ZBTB7C: variants seen among roughly 807,000 people sequenced by gnomAD.
ZBTB7C encodes zinc finger and BTB domain-containing protein 7C.
A neutral mutation model predicts 25.7 loss-of-function variants in ZBTB7C; 8 were observed. The ratio of observed to expected loss-of-function variants is 0.31; its 90% CI spans 0.18 to 0.56. ZBTB7C has a LOEUF of 0.56. Among genes scored for constraint, ZBTB7C ranks in the 20% least tolerant of loss-of-function variants. The pLI is 0.91. For synonymous variants in ZBTB7C, 394 were observed against 369.0 expected, an observed-to-expected ratio of 1.07 and a Z score of -0.78; for missense variants, 824 against 855.2, an observed-to-expected ratio of 0.96 and a Z score of 0.46.
intron 2 of ZBTB7C, among the ~76,000 whole-genome samples, chr18:48,305,662 T>A (rs2045655685): frequency 6.6e-6 from 1 of 152,060 alleles, no homozygotes. Context: ...CCCAAGTAAG[T>A]GGAAATACTC....
rs1482842757 is a variant in ZBTB7C, at chr18:48,167,595, T to TGTGTGTGTGTGC, written c.-17+18338_-17+18339insGCACACACACAC. On this transcript the variant is annotated intron_variant, in intron 3 of 4. Coordinates refer to ENST00000590800, the MANE Select transcript of ZBTB7C (RefSeq NM_001318841.2). ...GTGTGTGTGTGTGTGTGTGTGTGTG[T>TGTGTGTGTGTGC]GTGCGCGCGTGCACACGCGCATGCG... Among the ~76,000 whole-genome samples, 99 of 150,302 alleles carry TGTGTGTGTGTGC rather than the reference T, an allele frequency of 6.6e-4. 1 individual carries two copies. The highest frequency in any genetic ancestry group is 2.4e-3 in the African/African-American group (95 of 40,350).
intron 2 of ZBTB7C, among the ~76,000 whole-genome samples, chr18:48,220,667 A>T (rs1485786165): frequency 6.6e-6 from 1 of 152,178 alleles, no homozygotes; most frequent in Non-Finnish European, 1.5e-5. Context: ...GAAATCAATA[A>T]ATCAACCCAC....
chr18:48,143,917 T>C (rs72922114), intron 3 of ZBTB7C, among the ~76,000 whole-genome samples: 22,105 of 152,218 alleles, frequency 0.15, 1,808 homozygotes, highest in South Asian at 0.24. Context: ...CCCTCTCCCC[T>C]ATTGCAGTCC....
At chr18:48,103,929 G>A (rs1487497515) in intron 3 of ZBTB7C, among the ~76,000 whole-genome samples, 1 of 152,186 alleles carries the variant, frequency 6.6e-6, no homozygotes, top group African/African-American at 2.4e-5. Flanking sequence ...GCCAGGGGTC[G>A]AGGGTGCAGG....
intron 2 of ZBTB7C, among the ~76,000 whole-genome samples, chr18:48,275,030 G>T (rs1362474557): frequency 6.6e-6 from 1 of 152,160 alleles, no homozygotes; most frequent in African/African-American, 2.4e-5. Context: ...CCAACTTGAA[G>T]CCAAAGTTAT....
At chr18:48,314,170 G>C (rs75933534) in intron 2 of ZBTB7C, among the ~76,000 whole-genome samples, 2 of 152,202 alleles carry the variant, frequency 1.3e-5, no homozygotes, top group Admixed American at 1.3e-4. Flanking sequence ...ACCAAATTTA[G>C]TGAACAAAAG....
intron 3 of ZBTB7C, among the ~76,000 whole-genome samples, chr18:48,046,451 C>T (rs1373624827): frequency 6.6e-6 from 1 of 152,226 alleles, no homozygotes. Flanking sequence ...GACCCTTCCA[C>T]TGTTAAGTAA....
chr18:48,227,163 C>T (rs2043124473), intron 2 of ZBTB7C, among the ~76,000 whole-genome samples: 1 of 152,198 alleles, frequency 6.6e-6, no homozygotes, highest in African/African-American at 2.4e-5. Context: ...CCTGAAAAGG[C>T]TGTCTGGGCC....
chr18:48,288,881 C>G (rs1182603831), intron 2 of ZBTB7C, among the ~76,000 whole-genome samples: 2 of 152,124 alleles, frequency 1.3e-5, no homozygotes, highest in Non-Finnish European at 2.9e-5. Flanking sequence ...TTTGTTACAG[C>G]AGCCTGAATA....
chr18:48,324,932 G>A (rs574006418), intron 2 of ZBTB7C, among the ~76,000 whole-genome samples: 14 of 152,282 alleles, frequency 9.2e-5, no homozygotes, highest in South Asian at 8.3e-4. Flanking sequence ...CAGAGCCACC[G>A]TGGATGTGAT....
At chr18:48,080,037 T>G (rs62086132) in intron 3 of ZBTB7C, among the ~76,000 whole-genome samples, 29,711 of 152,246 alleles carry the variant, frequency 0.2, 2,976 homozygotes, top group South Asian at 0.25. Flanking sequence ...GTTACCACAC[T>G]CTGGCAAGCC....
chr18:48,153,532 GA>G (rs2040742673), intron 3 of ZBTB7C, among the ~76,000 whole-genome samples: 1 of 152,108 alleles, frequency 6.6e-6, no homozygotes, highest in Non-Finnish European at 1.5e-5. Flanking sequence ...GGTCCAAAGG[GA>G]AAAAGGGAAG....
chr18:48,238,146 G>A (rs957716264), intron 2 of ZBTB7C, among the ~76,000 whole-genome samples: 4 of 152,178 alleles, frequency 2.6e-5, no homozygotes, highest in Non-Finnish European at 5.9e-5. Flanking sequence ...GGAGTTTCCA[G>A]CGATTCTGAT....
At chr18:48,186,972 C>A (rs72922191) in intron 2 of ZBTB7C, among the ~76,000 whole-genome samples, 2 of 152,294 alleles carry the variant, frequency 1.3e-5, no homozygotes, top group African/African-American at 4.8e-5. Flanking sequence ...GCAAAGAGGC[C>A]TTGACACTGG....
intron 2 of ZBTB7C, among the ~76,000 whole-genome samples, chr18:48,200,359 C>T (rs528634690): frequency 2.6e-5 from 4 of 151,886 alleles, no homozygotes; most frequent in Admixed American, 6.6e-5. Flanking sequence ...CCTGTGTGGC[C>T]GGTGTTTGTA....
intron 3 of ZBTB7C, among the ~76,000 whole-genome samples, chr18:48,111,709 G>A (rs759272782): frequency 3.0e-4 from 45 of 152,246 alleles, no homozygotes; most frequent in Non-Finnish European, 5.1e-4. Context: ...GTGTGGACGG[G>A]TGTCTGCACT....
chr18:48,381,249 G>A (rs537905948), intron 1 of ZBTB7C, among the ~76,000 whole-genome samples: 1 of 152,290 alleles, frequency 6.6e-6, no homozygotes, highest in African/African-American at 2.4e-5. Context: ...ACACAGGAGA[G>A]AATCAAAGAA....
chr18:48,046,550 G>T (rs1189343758), intron 3 of ZBTB7C, among the ~76,000 whole-genome samples: 1 of 152,200 alleles, frequency 6.6e-6, no homozygotes, highest in Admixed American at 6.5e-5. Context: ...CTTTAGAGAT[G>T]AAAATGTTTT....
intron 2 of ZBTB7C, among the ~76,000 whole-genome samples, chr18:48,198,959 C>T (rs1449679933): frequency 6.6e-6 from 1 of 152,218 alleles, no homozygotes; most frequent in African/African-American, 2.4e-5. Context: ...GAGCCCATGC[C>T]TACCTGAAAC....
Sources: allele counts gnomAD v4.1 joint callset (sites outside exome capture counted in the v4.1 genomes callset), GRCh38; gene constraint gnomAD v4.1.1; transcripts MANE v1.5; gene names NCBI Gene and HGNC (gene_info 2026-07-23, HGNC 2026-07-21).